The following ZCWPW2 variants were observed in gnomAD, a reference collection of about 807,000 sequenced individuals.
ZCWPW2 encodes zinc finger CW-type and PWWP domain containing 2, also known as zinc finger CW-type PWWP domain protein 2.
In ZCWPW2, 45 loss-of-function variants were observed where a neutral mutation model predicts 46.6. The ratio of observed to expected loss-of-function variants is 0.96; its 90% confidence interval spans 0.76 to 1.24. ZCWPW2 has a LOEUF of 1.24. Among genes scored for constraint, ZCWPW2 ranks in the 50% most tolerant of loss-of-function variants. The pLI is 0.00. For synonymous variants in ZCWPW2, 152 were observed against 137.1 expected, an observed-to-expected ratio of 1.11 and a Z score of -0.76; for missense variants, 429 against 403.9, an observed-to-expected ratio of 1.06 and a Z score of -0.53.
chr3:28,459,961 G>A (rs1425429458), intron 4 of ZCWPW2, among the ~76,000 whole-genome samples: 1 of 152,030 alleles, frequency 6.6e-6, no homozygotes, highest in Non-Finnish European at 1.5e-5. Context: ...GCTTAATCTA[G>A]TACCTTGTGA....
chr3:28,484,234 G>A (rs1368329253), intron 5 of ZCWPW2, among the ~76,000 whole-genome samples: 1 of 151,006 alleles, frequency 6.6e-6, no homozygotes. Flanking sequence ...TCTTCTTTAT[G>A]CTGTTGATGT....
intron 4 of ZCWPW2, among the ~76,000 whole-genome samples, chr3:28,454,173 G>A (rs1300874842): frequency 6.6e-6 from 1 of 152,032 alleles, no homozygotes; most frequent in Non-Finnish European, 1.5e-5. Flanking sequence ...TGTATATATT[G>A]TTTATCATTT....
At chr3:28,407,175 T>G (rs987498495) in intron 2 of ZCWPW2, among the ~76,000 whole-genome samples, 2 of 152,198 alleles carry the variant, frequency 1.3e-5, no homozygotes. Context: ...TAAAGTGAAC[T>G]ACTTATCTTT....
chr3:28,487,908 G>A (rs1338441314), intron 5 of ZCWPW2, among the ~76,000 whole-genome samples: 1 of 151,998 alleles, frequency 6.6e-6, no homozygotes, highest in Non-Finnish European at 1.5e-5. Flanking sequence ...CTTCCCCCAG[G>A]TCAGGCTGGG....
chr3:28,355,712 T>G (rs1255299879), intron 1 of ZCWPW2, among the ~76,000 whole-genome samples: 1 of 152,232 alleles, frequency 6.6e-6, no homozygotes, highest in Admixed American at 6.5e-5. Flanking sequence ...TACAACCATC[T>G]GATCTTTGAC....
intron 4 of ZCWPW2, among the ~76,000 whole-genome samples, chr3:28,456,677 T>C (rs1698434837): frequency 6.6e-6 from 1 of 152,202 alleles, no homozygotes; most frequent in African/African-American, 2.4e-5. Context: ...GTTTTTTACA[T>C]GAAAGGATGT....
chr3:28,412,937 TAG>T, intron 2 of ZCWPW2, 117 bp from the exon 3 acceptor site: 3 of 710,910 alleles, frequency 4.2e-6, no homozygotes, highest in Non-Finnish European at 4.5e-6. Context: ...CTTTGTAGGA[TAG>T]AGAGGGGGTG....
At chr3:28,410,359 G>A (rs1210662510) in intron 2 of ZCWPW2, among the ~76,000 whole-genome samples, 3 of 151,824 alleles carry the variant, frequency 2.0e-5, no homozygotes, top group African/African-American at 7.3e-5. Context: ...TATAATTGTT[G>A]ATACAAAGCT....
chr3:28,426,229 T>C (rs926666795), intron 3 of ZCWPW2, among the ~76,000 whole-genome samples: 2 of 151,972 alleles, frequency 1.3e-5, no homozygotes, highest in Non-Finnish European at 2.9e-5. Flanking sequence ...CTCTCCACAA[T>C]GTTTAAGCAG....
chr3:28,391,559 A>T (rs924665204), intron 2 of ZCWPW2, among the ~76,000 whole-genome samples: 1 of 152,192 alleles, frequency 6.6e-6, no homozygotes, highest in Non-Finnish European at 1.5e-5. Context: ...ATGGCTAGGG[A>T]TACAAAAGAA....
intron 1 of ZCWPW2, among the ~76,000 whole-genome samples, chr3:28,364,718 C>T (rs371739055): frequency 4.6e-5 from 7 of 151,524 alleles, no homozygotes; most frequent in African/African-American, 9.7e-5. Flanking sequence ...TATGTATACA[C>T]GTGCCATGTT....
chr3:28,372,422 A>G (rs1003792093), intron 1 of ZCWPW2, among the ~76,000 whole-genome samples: 31 of 152,210 alleles, frequency 2.0e-4, no homozygotes, highest in African/African-American at 7.5e-4. Flanking sequence ...TAAAGATTGA[A>G]TATTATTTCA....
At chr3:28,509,946 A>G (rs1700383177) in intron 6 of ZCWPW2, among the ~76,000 whole-genome samples, 1 of 152,096 alleles carries the variant, frequency 6.6e-6, no homozygotes, top group African/African-American at 2.4e-5. Flanking sequence ...TGTAAGTTTT[A>G]TCTCTAACGT....
chr3:28,466,416 A>G (rs1698827031), intron 4 of ZCWPW2, among the ~76,000 whole-genome samples: 1 of 152,238 alleles, frequency 6.6e-6, no homozygotes, highest in Non-Finnish European at 1.5e-5. Context: ...TAATAGCAAC[A>G]AAACATAAAT....
At chr3:28,387,425 G>C (rs1695318973) in intron 1 of ZCWPW2, among the ~76,000 whole-genome samples, 1 of 152,028 alleles carries the variant, frequency 6.6e-6, no homozygotes, top group South Asian at 2.1e-4. Flanking sequence ...AGATGCGAAG[G>C]CTCTGGCAAG....
At chr3:28,494,466 T>C (rs1403354735) in intron 6 of ZCWPW2, among the ~76,000 whole-genome samples, 20 of 149,766 alleles carry the variant, frequency 1.3e-4, no homozygotes, top group South Asian at 4.3e-4. Flanking sequence ...GTTGTAGATA[T>C]GCGGCATTAT....
intron 1 of ZCWPW2, among the ~76,000 whole-genome samples, chr3:28,375,238 A>G (rs188834055): frequency 1.9e-4 from 29 of 150,646 alleles, no homozygotes; most frequent in African/African-American, 6.3e-4. Context: ...ATGTGTCTTG[A>G]TAGTTGAAGT....
intron 3 of ZCWPW2, among the ~76,000 whole-genome samples, chr3:28,424,228 A>AACACACAC (rs55725925): frequency 0.017 from 2,381 of 138,920 alleles, 54 homozygotes; most frequent in African/African-American, 0.043. Flanking sequence ...GTCTTATTCC[A>AACACACAC]ACACACACAC....
chr3:28,449,091 T>C (rs1000331224), intron 4 of ZCWPW2, among the ~76,000 whole-genome samples: 1 of 152,010 alleles, frequency 6.6e-6, no homozygotes, highest in Non-Finnish European at 1.5e-5. Flanking sequence ...CTCACGTAAA[T>C]AGTCAAATTA....
Sources: gnomAD v4.1 joint callset for allele counts (sites outside exome capture counted in the v4.1 genomes callset) on GRCh38, gnomAD v4.1.1 for gene constraint, MANE v1.5 for transcripts, NCBI Gene and HGNC (gene_info 2026-07-23, HGNC 2026-07-21) for gene names.